The following ASTN2 variants were observed in gnomAD, a reference collection of about 807,000 sequenced individuals.
ASTN2 encodes the protein astrotactin 2.
A neutral mutation model predicts 139.8 loss-of-function variants in ASTN2; 54 were observed. That is an observed-to-expected ratio of 0.39 (90% CI 0.31 to 0.48). ASTN2 has a LOEUF of 0.48. Ranked by LOEUF, ASTN2 falls within the 20% of genes least tolerant of loss-of-function variation. The pLI is 0.95. For synonymous variants in ASTN2, 756 were observed against 719.5 expected (o/e 1.05, Z -0.81); for missense variants, 1,565 against 1,725.1 (o/e 0.91, Z 1.64).
At chr9:116,878,930 G>A (rs1225221740) in intron 10 of ASTN2, among the ~76,000 whole-genome samples, 1 of 151,766 alleles carries the variant, frequency 6.6e-6, no homozygotes, top group Non-Finnish European at 1.5e-5. Flanking sequence ...GGGGTCTCAG[G>A]TGTGATTGCT....
At chr9:117,267,524 A>C (rs1340950628) in intron 2 of ASTN2, among the ~76,000 whole-genome samples, 2 of 152,356 alleles carry the variant, frequency 1.3e-5, no homozygotes, top group Non-Finnish European at 2.9e-5. Context: ...AGATATTAAC[A>C]CTAGGGGAGG....
chr9:116,936,788 G>A lies in ASTN2; in HGVS notation c.1889+38420C>T, dbSNP rs548222407. ...ATGAACCCACACACAGCTTCACCTC[G>A]TTCTCATTTACCAAAACTCTGCCCA... On this transcript the variant is annotated intron_variant, in intron 10 of 22. Coordinates refer to ENST00000313400, the MANE Select transcript of ASTN2 (RefSeq NM_001365068.1). Among the ~76,000 whole-genome samples the A allele has an allele frequency of 2.6e-5, 4 of 151,630 alleles. No individual in the cohort carries two copies. The East Asian group carries it at 5.9e-4, about 22-fold the overall frequency.
intron 6 of ASTN2, among the ~76,000 whole-genome samples, chr9:117,015,513 T>C (rs1837649665): frequency 6.6e-6 from 1 of 152,168 alleles, no homozygotes; most frequent in East Asian, 1.9e-4. Context: ...TGGAGGTTCA[T>C]GGAGCTCAGG....
chr9:116,651,816 G>T, intron 16 of ASTN2, 23 bp from the exon 17 acceptor site: 1 of 1,606,596 alleles, frequency 6.2e-7, no homozygotes, highest in South Asian at 1.1e-5. Flanking sequence ...AAGACAGGAA[G>T]AGCGAAAGGT....
intron 13 of ASTN2, among the ~76,000 whole-genome samples, chr9:116,784,752 A>G (rs1588290713): frequency 6.6e-6 from 1 of 152,028 alleles, no homozygotes; most frequent in South Asian, 2.1e-4. Context: ...CAACATGGAG[A>G]AACCCTGTCT....
chr9:117,062,118 G>A (rs1197942913), intron 5 of ASTN2, among the ~76,000 whole-genome samples: 1 of 152,288 alleles, frequency 6.6e-6, no homozygotes, highest in Non-Finnish European at 1.5e-5. Context: ...TGTACAACGA[G>A]GGGCATGACT....
At position 117,237,943 on chromosome 9, in the gene ASTN2, G is replaced by A. The variant is rs371950172; in HGVS notation, c.631-23201C>T. ...ACTCATAGATGGCTGCTGCTCTCAG[G>A]CTAGCTCAACTCCCTGGAGACACAC... is the stretch of plus-strand genomic sequence containing the variant. On this transcript the variant is annotated intron_variant, in intron 2 of 22. Coordinates refer to ENST00000313400, the MANE Select transcript of ASTN2 (RefSeq NM_001365068.1). Among the ~76,000 whole-genome samples, 12 of 152,308 alleles carry A rather than the reference G, an allele frequency of 7.9e-5. No individual in the cohort carries two copies. In the East Asian group the frequency reaches 1.9e-3, roughly 25 times the overall value.
intron 16 of ASTN2, among the ~76,000 whole-genome samples, chr9:116,718,738 ATCT>A (rs1828384574): frequency 6.6e-6 from 1 of 151,684 alleles, no homozygotes; most frequent in Admixed American, 6.6e-5. Flanking sequence ...CAATGGAAAC[ATCT>A]TCTTTTGTTG....
chr9:116,809,081 T>G (rs1312217009), intron 12 of ASTN2, among the ~76,000 whole-genome samples: 1 of 152,156 alleles, frequency 6.6e-6, no homozygotes, highest in African/African-American at 2.4e-5. Context: ...TTTTCCAGTC[T>G]GTGCTTGTAT....
chr9:117,064,707 T>C (rs1023377382), intron 5 of ASTN2, among the ~76,000 whole-genome samples: 1 of 152,092 alleles, frequency 6.6e-6, no homozygotes, highest in African/African-American at 2.4e-5. Flanking sequence ...ACAATGCACA[T>C]GATCCAGGTG....
intron 1 of ASTN2, among the ~76,000 whole-genome samples, chr9:117,399,186 TACTA>T (rs1385031180): frequency 6.6e-6 from 1 of 152,142 alleles, no homozygotes; most frequent in Non-Finnish European, 1.5e-5. Flanking sequence ...AAAGCTTACA[TACTA>T]ACAAGAAAGG....
intron 17 of ASTN2, among the ~76,000 whole-genome samples, chr9:116,623,147 CTG>C (rs10527124): frequency 0.054 from 7,342 of 136,546 alleles, 230 homozygotes; most frequent in South Asian, 0.11. Flanking sequence ...AGAGCATACT[CTG>C]TGTGTGTGTG....
intron 5 of ASTN2, among the ~76,000 whole-genome samples, chr9:117,054,211 G>A (rs1838993781): frequency 6.6e-6 from 1 of 152,148 alleles, no homozygotes; most frequent in Admixed American, 6.5e-5. Flanking sequence ...GGCCATTCTA[G>A]ACCCACTTTC....
At chr9:116,447,297 C>T (rs556863035) in intron 20 of ASTN2, among the ~76,000 whole-genome samples, 1 of 152,252 alleles carries the variant, frequency 6.6e-6, no homozygotes, top group East Asian at 1.9e-4. Context: ...TGCACGGTGC[C>T]CATGCCATAT....
chr9:116,845,561 T>C (rs1316192892), intron 11 of ASTN2, among the ~76,000 whole-genome samples: 1 of 152,142 alleles, frequency 6.6e-6, no homozygotes, highest in African/African-American at 2.4e-5. Context: ...GATTAAAACA[T>C]GGGCAAAAGA....
intron 10 of ASTN2, among the ~76,000 whole-genome samples, chr9:116,863,969 C>T (rs1253908192): frequency 6.6e-6 from 1 of 152,072 alleles, no homozygotes; most frequent in Non-Finnish European, 1.5e-5. Context: ...TTTATTAATA[C>T]TTATGATTCT....
At chr9:117,046,655 C>A (rs1838752809) in intron 5 of ASTN2, among the ~76,000 whole-genome samples, 1 of 152,144 alleles carries the variant, frequency 6.6e-6, no homozygotes, top group Admixed American at 6.5e-5. Flanking sequence ...GCTGCTGGCC[C>A]CCGTGGACAA....
chr9:116,624,091 T>C (rs1856316254), intron 17 of ASTN2, among the ~76,000 whole-genome samples: 2 of 152,134 alleles, frequency 1.3e-5, no homozygotes, highest in South Asian at 4.2e-4. Context: ...TTCCATGACT[T>C]GTAAACGCTT....
At chr9:116,948,972 G>A (rs552190904) in intron 10 of ASTN2, among the ~76,000 whole-genome samples, 413 of 151,344 alleles carry the variant, frequency 2.7e-3, no homozygotes, top group Non-Finnish European at 4.5e-3. Flanking sequence ...TTTATTTTTA[G>A]TAGAGACTGG....
Sources: allele counts gnomAD v4.1 joint callset (sites outside exome capture counted in the v4.1 genomes callset), GRCh38; gene constraint gnomAD v4.1.1; transcripts MANE v1.5; gene names NCBI Gene and HGNC (gene_info 2026-07-23, HGNC 2026-07-21).